The following HHLA2 variants were observed in gnomAD, a reference collection of about 807,000 sequenced individuals.
HHLA2 encodes the protein HHLA2 member of B7 family.
A neutral mutation model predicts 45.9 loss-of-function variants in HHLA2; 48 were observed. The observed-to-expected ratio is 1.05, with a 90% CI of 0.83 to 1.33. HHLA2 has a LOEUF of 1.33. HHLA2 is among the 40% of genes most tolerant of loss of function. The pLI, the probability that HHLA2 is intolerant of heterozygous loss-of-function variation, is 0.00. For missense variants in HHLA2, 462 were observed against 494.3 expected, an observed-to-expected ratio of 0.93 and a Z score of 0.62; for synonymous variants, 161 against 173.9, an observed-to-expected ratio of 0.93 and a Z score of 0.59.
intron 8 of HHLA2, among the ~76,000 whole-genome samples, chr3:108,362,883 G>A (rs1246202246): frequency 6.6e-6 from 1 of 152,108 alleles, no homozygotes; most frequent in African/African-American, 2.4e-5. Flanking sequence ...TGCCTTTGGA[G>A]TGATAGGACC....
intron 3 of HHLA2, among the ~76,000 whole-genome samples, chr3:108,336,068 A>G (rs2081467284): frequency 6.6e-6 from 1 of 152,010 alleles, no homozygotes; most frequent in African/African-American, 2.4e-5. Context: ...GAACTTTCCA[A>G]ATGCTTCATA....
chr3:108,336,525 G>A lies in HHLA2; in HGVS notation c.-27+8178G>A, dbSNP rs969713916. Among the ~76,000 whole-genome samples the A allele has an allele frequency of 3.2e-4, 49 of 152,174 alleles. 1 individual carries two copies. The highest frequency in any genetic ancestry group is 1.2e-3 in the African/African-American group (48 of 41,504). Reference sequence around the variant, plus strand: ...ATATATACTGTGATTCTTCTAAATTGGAAGCTAAAACTGGTAATTTGGGCT... The same window carrying A: ...ATATATACTGTGATTCTTCTAAATTAGAAGCTAAAACTGGTAATTTGGGCT... On this transcript the variant is annotated intron_variant, in intron 3 of 10. Coordinates refer to ENST00000619531, the Ensembl canonical transcript of HHLA2.
At chr3:108,315,726 T>C (rs2081090990) in intron 2 of HHLA2, among the ~76,000 whole-genome samples, 1 of 152,200 alleles carries the variant, frequency 6.6e-6, no homozygotes, top group African/African-American at 2.4e-5. Flanking sequence ...TAAGCATAAA[T>C]AGAAGTATAT....
At chr3:108,297,605 A>G (rs1308009484) in intron 1 of HHLA2, among the ~76,000 whole-genome samples, 1 of 152,212 alleles carries the variant, frequency 6.6e-6, no homozygotes, top group Non-Finnish European at 1.5e-5. Flanking sequence ...AATAAATATT[A>G]TTATTTCAGA....
At chr3:108,345,064 T>C (rs887890707) in intron 3 of HHLA2, among the ~76,000 whole-genome samples, 1 of 152,018 alleles carries the variant, frequency 6.6e-6, no homozygotes, top group East Asian at 1.9e-4. Flanking sequence ...CCTCCCAAGA[T>C]GGGGAATTGA....
chr3:108,345,090 G>T (rs937346542), intron 3 of HHLA2, among the ~76,000 whole-genome samples: 11 of 152,188 alleles, frequency 7.2e-5, no homozygotes, highest in African/African-American at 2.7e-4. Flanking sequence ...AGTAAAGAGA[G>T]CAGTGTTCTC....
At position 108,315,639 on chromosome 3, in the gene HHLA2, G is replaced by A. The variant is rs932920696; in HGVS notation, c.-105+4898G>A. Among the ~76,000 whole-genome samples the A allele has an allele frequency of 3.9e-5, 6 of 152,210 alleles. No homozygotes were observed. In the East Asian group the frequency reaches 5.8e-4, roughly 15 times the overall value. On this transcript the variant is annotated intron_variant, in intron 2 of 10. Coordinates refer to ENST00000619531, the Ensembl canonical transcript of HHLA2. ...ATAAGCCTCATGGGAGAATAGAGTC[G>A]TGATGCTTGTTCAAAATTTTTGGAA... is the stretch of plus-strand genomic sequence containing the variant.
chr3:108,357,480 G>A (rs993771854), intron 6 of HHLA2, among the ~76,000 whole-genome samples: 2 of 152,116 alleles, frequency 1.3e-5, no homozygotes, highest in African/African-American at 4.8e-5. Context: ...GTGTTCTGGG[G>A]ACCACCAGCA....
rs1377911608 is a variant in HHLA2 at position 108,369,980 on chromosome 3, G to A, written c.1109-5770G>A. 3.3e-5 allele frequency among the ~76,000 whole-genome samples: 5 copies of A among 152,322 alleles called. No homozygotes were observed. The East Asian group carries it at 7.7e-4, about 24-fold the overall frequency. On this transcript the variant is annotated intron_variant, in intron 8 of 10. Transcript: ENST00000619531. Reference sequence around the variant, plus strand: ...AAGAGAGTAGTAGTTCTCCCAGCACGCAGCTTGAGATCTGAGAACGGGCAG... The same window carrying A: ...AAGAGAGTAGTAGTTCTCCCAGCACACAGCTTGAGATCTGAGAACGGGCAG...
At chr3:108,304,379 G>A (rs913790450) in intron 1 of HHLA2, among the ~76,000 whole-genome samples, 6 of 152,100 alleles carry the variant, frequency 3.9e-5, no homozygotes, top group African/African-American at 1.4e-4. Flanking sequence ...GATTCTAGGG[G>A]AGAATCCTTC....
intron 7 of HHLA2, 66 bp from the exon 7 acceptor site, chr3:108,362,276 C>T (rs191642652): frequency 3.1e-4 from 354 of 1,152,172 alleles, no homozygotes; most frequent in Non-Finnish European, 3.9e-4. Context: ...CTTACCCACC[C>T]ACACATTTCT....
At chr3:108,362,486 T>C (rs372285296) in intron 8 of HHLA2, 40 bp downstream of exon 7, 152 of 1,261,050 alleles carry the variant, frequency 1.2e-4, no homozygotes, top group Non-Finnish European at 2.5e-5. Context: ...GTGTTCCACA[T>C]CACGTATATT....
intron 7 of HHLA2, among the ~76,000 whole-genome samples, chr3:108,360,880 T>C (rs2081974396): frequency 6.6e-6 from 1 of 152,202 alleles, no homozygotes; most frequent in Non-Finnish European, 1.5e-5. Context: ...GAGATTAATA[T>C]TTTATTAGTT....
chr3:108,368,158 T>G, intron 8 of HHLA2, among the ~76,000 whole-genome samples: 1 of 152,048 alleles, frequency 6.6e-6, no homozygotes, highest in East Asian at 1.9e-4. Flanking sequence ...AAGCAAATGC[T>G]GAGGGATTCT....
At chr3:108,372,932 C>T (rs985766383) in intron 8 of HHLA2, among the ~76,000 whole-genome samples, 2 of 152,088 alleles carry the variant, frequency 1.3e-5, no homozygotes, top group Admixed American at 1.3e-4. Context: ...CCTTCTGAAA[C>T]TATTCCAATC....
chr3:108,377,537 G>A (rs993249114), exon 11 of HHLA2: 2 of 453,310 alleles, frequency 4.4e-6, no homozygotes, highest in Non-Finnish European at 8.1e-6. Context: ...GAAAAGAACT[G>A]TCTCATTCAT....
intron 8 of HHLA2, among the ~76,000 whole-genome samples, chr3:108,375,151 T>TA (rs1156524383): frequency 1.2e-4 from 18 of 151,982 alleles, no homozygotes; most frequent in African/African-American, 4.3e-4. Flanking sequence ...TATGCAGCCA[T>TA]AAAAAATGAT....
chr3:108,304,297 GA>G (rs1292743624), intron 1 of HHLA2, among the ~76,000 whole-genome samples: 2 of 152,168 alleles, frequency 1.3e-5, no homozygotes, highest in Non-Finnish European at 2.9e-5. Flanking sequence ...CTTAAATTAA[GA>G]AAAACATATC....
chr3:108,348,587 G>GGA (rs948060698), intron 3 of HHLA2, among the ~76,000 whole-genome samples: 1 of 151,928 alleles, frequency 6.6e-6, no homozygotes, highest in Non-Finnish European at 1.5e-5. Context: ...AATTGATTCA[G>GGA]GAGAGAGAGA....
Sources: allele counts gnomAD v4.1 joint callset (sites outside exome capture counted in the v4.1 genomes callset), GRCh38; gene constraint gnomAD v4.1.1; transcripts MANE v1.5; gene names NCBI Gene and HGNC (gene_info 2026-07-23, HGNC 2026-07-21).